The following MSH3 variants were observed in gnomAD, a reference collection of about 807,000 sequenced individuals.
MSH3 encodes DNA mismatch repair protein Msh3.
MSH3 carries 106 observed loss-of-function variants against 123.3 expected under a neutral mutation model. The observed-to-expected ratio is 0.86, with a 90% CI of 0.73 to 1.01. The LOEUF is 1.01. Among genes scored for constraint, MSH3 ranks in the 50% least tolerant of loss-of-function variants. MSH3 has a pLI of 0.00. For synonymous variants in MSH3, 515 were observed against 481.4 expected, an observed-to-expected ratio of 1.07 and a Z score of -0.91; for missense variants, 1,459 against 1,347.6, an observed-to-expected ratio of 1.08 and a Z score of -1.29.
chr5:80,817,579 T>A lies in MSH3; in HGVS notation c.2813+3838T>A, dbSNP rs184930254. ...TTATTCTAAAAATAAATAAATTAAT[T>A]AATTAATCACCTTTGGAGGATCCTA... is the stretch of plus-strand genomic sequence containing the variant. On this transcript the variant is annotated intron_variant, in intron 20 of 23. Coordinates refer to ENST00000265081, the MANE Select transcript of MSH3 (RefSeq NM_002439.5). 4.5e-3 allele frequency among the ~76,000 whole-genome samples: 687 copies of A among 152,202 alleles called. 7 individuals carry two copies. The highest frequency in any genetic ancestry group is 0.015 in the African/African-American group (632 of 41,534).
chr5:80,671,577 C>T (rs1177019067), intron 4 of MSH3, among the ~76,000 whole-genome samples: 1 of 152,076 alleles, frequency 6.6e-6, no homozygotes, highest in Non-Finnish European at 1.5e-5. Flanking sequence ...CAGACCTGAC[C>T]ACGGTAAAGG....
intron 20 of MSH3, among the ~76,000 whole-genome samples, chr5:80,826,801 G>A (rs556274105): frequency 1.1e-4 from 16 of 151,328 alleles, no homozygotes; most frequent in South Asian, 2.1e-4. Flanking sequence ...CACCTGCCTC[G>A]GCCTCCAGAA....
chr5:80,710,965 A>G (rs1750845336), intron 8 of MSH3, among the ~76,000 whole-genome samples: 2 of 152,182 alleles, frequency 1.3e-5, no homozygotes, highest in African/African-American at 4.8e-5. Context: ...CATTGCAGAC[A>G]GAAGTACTTT....
chr5:80,814,370 C>G (rs990128943), intron 20 of MSH3, among the ~76,000 whole-genome samples: 7 of 152,200 alleles, frequency 4.6e-5, no homozygotes, highest in Non-Finnish European at 1.0e-4. Context: ...CTCCCCAGTT[C>G]AAGCTATTCT....
intron 20 of MSH3, among the ~76,000 whole-genome samples, chr5:80,839,690 ACTC>A (rs1214380297): frequency 3.3e-5 from 5 of 152,164 alleles, no homozygotes; most frequent in Non-Finnish European, 5.9e-5. Flanking sequence ...AGAGATAACT[ACTC>A]TAAACATGTT....
At chr5:80,755,250 A>G (rs1654428855) in intron 12 of MSH3, among the ~76,000 whole-genome samples, 2 of 149,980 alleles carry the variant, frequency 1.3e-5, no homozygotes, top group Non-Finnish European at 2.9e-5. Context: ...CTGTCAGTGC[A>G]TAGGGATTAA....
intron 8 of MSH3, among the ~76,000 whole-genome samples, chr5:80,722,704 G>T (rs1196314523): frequency 6.6e-6 from 1 of 152,182 alleles, no homozygotes; most frequent in East Asian, 1.9e-4. Flanking sequence ...GAACATTACT[G>T]TTGGATATAA....
chr5:80,753,769 C>A (rs1023926644), intron 12 of MSH3, among the ~76,000 whole-genome samples: 4 of 152,032 alleles, frequency 2.6e-5, no homozygotes, highest in African/African-American at 9.7e-5. Context: ...CAGTTAGGAA[C>A]CCCAGAGGCT....
At chr5:80,835,905 T>A (rs1300917994) in intron 20 of MSH3, among the ~76,000 whole-genome samples, 1 of 151,628 alleles carries the variant, frequency 6.6e-6, no homozygotes, top group African/African-American at 2.4e-5. Context: ...ACAGAGAGAC[T>A]GTCTCAAAAA....
Position 80,854,182 on chromosome 5 carries a change from C to G in MSH3, c.2866C>G (p.Leu956Val). The change falls in exon 21 of 24, where the codon CTG becomes GTG. Residue 956 changes from leucine to valine, a missense_variant. Physicochemically the swap from Leu to Val is conservative, Grantham distance 32 (BLOSUM62 1). Coordinates refer to ENST00000265081, the MANE Select transcript of MSH3 (RefSeq NM_002439.5). ...AGGACAGAGTACATTTATGGAAGAA[C>G]TGACTGACACAGCAGAAATAATCAG... is the stretch of plus-strand genomic sequence containing the variant. ...YKGQSTFMEE[L>V]TDTAEIIRKA... The G allele has an allele frequency of 6.2e-7, 1 of 1,613,712 alleles. No individual in the cohort carries two copies. Among genetic ancestry groups the G allele is most frequent in the Non-Finnish European group, 8.5e-7 (1 of 1,179,792 alleles).
chr5:80,776,323 A>G (rs1325212204), intron 16 of MSH3, among the ~76,000 whole-genome samples: 1 of 152,190 alleles, frequency 6.6e-6, no homozygotes, highest in Non-Finnish European at 1.5e-5. Context: ...CTTTATTTTT[A>G]TAGCACAGGG....
At position 80,813,668 on chromosome 5, in the gene MSH3, A is replaced by G. The variant is rs148633216; in HGVS notation, c.2740A>G (p.Ile914Val). Residue 914 changes from isoleucine (I) to valine (V), a missense_variant, in exon 20 of 24, where the codon ATC becomes GTC. By Grantham distance (29) the Ile-to-Val change is conservative (BLOSUM62 3). Coordinates refer to ENST00000265081, the MANE Select transcript of MSH3 (RefSeq NM_002439.5). ...SYIKQVALIT[I>V]MAQIGSYVPA... ...CATAAAACAAGTTGCATTGATTACC[A>G]TCATGGCTCAGATTGGCTCCTATGT... The G allele has an allele frequency of 2.5e-4, 409 of 1,614,192 alleles. 2 individuals are homozygous for G. In the African/African-American group the frequency reaches 4.7e-3, roughly 19 times the overall value.
intron 15 of MSH3, among the ~76,000 whole-genome samples, chr5:80,771,982 GTT>G (rs1018963432): frequency 2.0e-5 from 3 of 151,996 alleles, no homozygotes; most frequent in African/African-American, 7.3e-5. Context: ...ATGTATGAAT[GTT>G]TGTGTGTATG....
intron 22 of MSH3, among the ~76,000 whole-genome samples, chr5:80,868,272 A>T (rs1746139056): frequency 6.6e-6 from 1 of 152,082 alleles, no homozygotes; most frequent in Admixed American, 6.6e-5. Context: ...TACTGGGTAT[A>T]TACCCAGAGA....
chr5:80,851,654 C>A (rs998303743), intron 20 of MSH3, among the ~76,000 whole-genome samples: 2 of 152,080 alleles, frequency 1.3e-5, no homozygotes, highest in African/African-American at 4.8e-5. Context: ...ATATGTAAAG[C>A]CACCCACTCA....
chr5:80,778,496 A>G (rs191548698), intron 16 of MSH3, among the ~76,000 whole-genome samples: 3 of 152,310 alleles, frequency 2.0e-5, no homozygotes, highest in South Asian at 4.1e-4. Context: ...TGACTTTGCT[A>G]TATGGGTATA....
At chr5:80,669,501 A>C (rs893513859) in intron 3 of MSH3, among the ~76,000 whole-genome samples, 9 of 152,378 alleles carry the variant, frequency 5.9e-5, no homozygotes, top group African/African-American at 1.9e-4. Flanking sequence ...AGGTAAGAAT[A>C]GTAGGAGTAC....
chr5:80,874,738 A>G (rs968881134), intron 23 of MSH3, among the ~76,000 whole-genome samples: 2 of 152,190 alleles, frequency 1.3e-5, no homozygotes, highest in Non-Finnish European at 2.9e-5. Flanking sequence ...CTATATTTTC[A>G]TATATTCTTG....
intron 8 of MSH3, among the ~76,000 whole-genome samples, chr5:80,713,010 T>C (rs1404773360): frequency 2.0e-5 from 3 of 152,202 alleles, no homozygotes; most frequent in Non-Finnish European, 2.9e-5. Context: ...TTGGAACTCA[T>C]CAGTGCTATT....
Sources: gnomAD v4.1 joint callset for allele counts (sites outside exome capture counted in the v4.1 genomes callset) on GRCh38, gnomAD v4.1.1 for gene constraint, MANE v1.5 for transcripts, NCBI Gene and HGNC (gene_info 2026-07-23, HGNC 2026-07-21) for gene names.